The following MGAT4A variants were observed in gnomAD, a reference collection of about 807,000 sequenced individuals.
MGAT4A encodes alpha-1,3-mannosyl-glycoprotein 4-beta-N-acetylglucosaminyltransferase A.
In MGAT4A, 33 loss-of-function variants were observed where a neutral mutation model predicts 74.1. The ratio of observed to expected loss-of-function variants is 0.45; its 90% CI spans 0.34 to 0.60. MGAT4A has a LOEUF of 0.60. MGAT4A is among the 20% of genes least tolerant of loss of function. The probability of loss-of-function intolerance (pLI) is 0.02; values close to 1 mark genes in which losing one functional copy is unlikely to be tolerated. For missense variants in MGAT4A, 479 were observed against 628.3 expected, an observed-to-expected ratio of 0.76 and a Z score of 2.54; for synonymous variants, 198 against 210.4, an observed-to-expected ratio of 0.94 and a Z score of 0.51.
intron 5 of MGAT4A, among the ~76,000 whole-genome samples, chr2:98,661,851 C>A (rs1292510457): frequency 3.9e-5 from 6 of 152,166 alleles, no homozygotes. Context: ...TTTGCCCTTA[C>A]CAAAGCAGAC....
Position 98,636,535 on chromosome 2 carries a change from C to T in MGAT4A, c.1383G>A (p.Val461=), listed in dbSNP as rs747791512. Residue 461 remains valine (V), a synonymous_variant, in exon 13 of 16, where the codon GTG becomes GTA. Transcript: ENST00000393487. ...GTCATACCTTAAAAGGCAAAACTTC[C>T]ACAGTTGTGTTTAGCAGAATATCTC... is the stretch of plus-strand genomic sequence containing the variant. ...HPGDILLNTT[V]EVLPFKSEGL... 8 of 1,613,626 alleles carry T rather than the reference C, an allele frequency of 5.0e-6. No homozygotes were observed. Among genetic ancestry groups the T allele is most frequent in the Non-Finnish European group, 6.8e-6 (8 of 1,179,640 alleles).
At chr2:98,659,736 A>G (rs552447573) in intron 5 of MGAT4A, among the ~76,000 whole-genome samples, 2 of 152,256 alleles carry the variant, frequency 1.3e-5, no homozygotes, top group Admixed American at 1.3e-4. Context: ...GCCTTCTGCC[A>G]TGATTGTGAG....
chr2:98,712,176 C>T (rs1029831757), intron 2 of MGAT4A, among the ~76,000 whole-genome samples: 4 of 152,216 alleles, frequency 2.6e-5, no homozygotes, highest in African/African-American at 2.4e-5. Context: ...CCAACATCCA[C>T]CTTCCCTATT....
intron 8 of MGAT4A, among the ~76,000 whole-genome samples, chr2:98,654,089 G>C (rs1009511153): frequency 2.0e-5 from 3 of 151,978 alleles, no homozygotes; most frequent in African/African-American, 4.8e-5. Context: ...GTATGGAAAA[G>C]CATTTGACAA....
intron 7 of MGAT4A, 107 bp downstream of exon 7, chr2:98,656,245 T>A (rs1701659268): frequency 4.8e-6 from 4 of 837,822 alleles, no homozygotes; most frequent in Non-Finnish European, 7.9e-6. Flanking sequence ...CCTAGAATAT[T>A]TTACCAAATT....
chr2:98,680,064 A>C (rs954088666), intron 2 of MGAT4A, among the ~76,000 whole-genome samples: 1 of 106,222 alleles, frequency 9.4e-6, no homozygotes, highest in Admixed American at 9.9e-5. Flanking sequence ...TTTCTGAGAC[A>C]GAGTCTCACT....
In MGAT4A at chr2:98,621,284, G is replaced by A; in HGVS notation, c.*4282C>T. On this transcript the variant is annotated 3_prime_UTR_variant, in exon 16 of 16. Transcript: ENST00000393487. ...TCTTATCTGGAGACTGGAGATGAAT[G>A]CCTTTCCAAGCCTATGAATGAGCTT... The A allele has an allele frequency of 1.6e-6, 2 of 1,253,762 alleles. No individual in the cohort carries two copies. Among genetic ancestry groups the A allele is most frequent in the Non-Finnish European group, 2.1e-6 (2 of 937,678 alleles). 77.7% of individuals were successfully genotyped at this position (1,253,762 alleles called of 1,614,324 possible).
intron 2 of MGAT4A, among the ~76,000 whole-genome samples, chr2:98,701,929 T>C (rs1245445395): frequency 6.6e-6 from 1 of 152,116 alleles, no homozygotes; most frequent in African/African-American, 2.4e-5. Context: ...CCAATCAGAA[T>C]TACCTAGGGG....
rs1346127528 is a variant in MGAT4A, at chr2:98,675,044, T to G, written c.394A>C (p.Arg132=). 2 of 1,608,142 alleles carry G rather than the reference T, an allele frequency of 1.2e-6. No individual in the cohort carries two copies. Among genetic ancestry groups the G allele is most frequent in the African/African-American group, 2.7e-5 (2 of 74,566 alleles). ...AACAAAATAAACATACCTCCTGTTC[T>G]TCCGTTGCCAATCTGTACAGCAGGT... The part of the protein sequence containing the change: ...LQPAVQIGNG[R]TGVSIVMGIP... Residue 132 remains arginine (R), a synonymous_variant, in exon 4 of 16, where the codon AGA becomes CGA. Coordinates refer to ENST00000393487, the MANE Select transcript of MGAT4A (RefSeq NM_012214.3).
At chr2:98,666,646 T>C (rs955928232) in intron 4 of MGAT4A, among the ~76,000 whole-genome samples, 84 of 151,230 alleles carry the variant, frequency 5.6e-4, no homozygotes, top group Admixed American at 9.2e-4. Flanking sequence ...TGAGCTGTGA[T>C]CACACCACTG....
chr2:98,678,249 A>AAAAAAAATATATAT (rs67023324), intron 3 of MGAT4A, 55 bp downstream of exon 3: 48 of 263,838 alleles, frequency 1.8e-4, no homozygotes, highest in South Asian at 6.8e-4. Flanking sequence ...AAAAAAAAAA[A>AAAAAAAATATATAT]ATATATATAT....
intron 2 of MGAT4A, among the ~76,000 whole-genome samples, chr2:98,712,362 A>G (rs1429544037): frequency 1.3e-5 from 2 of 152,168 alleles, no homozygotes; most frequent in Non-Finnish European, 2.9e-5. Flanking sequence ...AACACTACTG[A>G]TTCTCATCAC....
chr2:98,704,999 A>G (rs1479412745), intron 2 of MGAT4A, among the ~76,000 whole-genome samples: 1 of 152,172 alleles, frequency 6.6e-6, no homozygotes, highest in East Asian at 1.9e-4. Flanking sequence ...ACAGGAGGAC[A>G]TCTGGAGTGC....
chr2:98,624,753 A>G lies in MGAT4A; in HGVS notation c.*813T>C. On this transcript the variant is annotated 3_prime_UTR_variant, in exon 16 of 16. Transcript: ENST00000393487. ...GTCTACAATAATCTGGGTTGAATGCATCACACTTACACATTGAAAATTTAT... is the reference window on the plus strand; with the variant it reads ...GTCTACAATAATCTGGGTTGAATGCGTCACACTTACACATTGAAAATTTAT... The G allele has an allele frequency of 1.0e-6, 1 of 984,168 alleles. No homozygotes were observed. The highest frequency in any genetic ancestry group is 1.2e-6 in the Non-Finnish European group (1 of 828,364). The allele number at this position is 984,168 out of a possible 1,614,324, so 61.0% of individuals were successfully genotyped here.
chr2:98,688,674 G>A (rs1276631995), intron 2 of MGAT4A, among the ~76,000 whole-genome samples: 3 of 152,158 alleles, frequency 2.0e-5, no homozygotes, highest in African/African-American at 7.2e-5. Flanking sequence ...ACAGCCACAA[G>A]GAAATGACTT....
chr2:98,631,938 C>T (rs1457809416), intron 14 of MGAT4A, among the ~76,000 whole-genome samples: 1 of 151,852 alleles, frequency 6.6e-6, no homozygotes, highest in Non-Finnish European at 1.5e-5. Flanking sequence ...GGCGAAACCC[C>T]GCCTCTACCA....
rs763423196 is a variant in MGAT4A, at chr2:98,678,374, C to T, written c.192G>A (p.Thr64=). ...RISQRSSELN[T]IVQQFKRVGA... ...CTACACGCTTGAACTGTTGCACAAT[C>T]GTATTTAATTCAGAAGAGCGCTGTG... Residue 64 remains threonine, a synonymous_variant, in exon 3 of 16, where the codon ACG becomes ACA. Coordinates refer to ENST00000393487, the MANE Select transcript of MGAT4A (RefSeq NM_012214.3). 35 of 1,584,228 alleles carry T rather than the reference C, an allele frequency of 2.2e-5. No individual in the cohort carries two copies. The South Asian group carries it at 2.9e-4, about 13-fold the overall frequency.
intron 10 of MGAT4A, 56 bp from the exon 11 acceptor site, chr2:98,640,284 C>T: frequency 7.1e-7 from 1 of 1,411,258 alleles, no homozygotes; most frequent in Non-Finnish European, 9.9e-7. Flanking sequence ...ATCTTGCCCT[C>T]ACCTGGAAAA....
At chr2:98,677,171 T>C (rs1198107756) in intron 3 of MGAT4A, among the ~76,000 whole-genome samples, 2 of 152,240 alleles carry the variant, frequency 1.3e-5, no homozygotes, top group Non-Finnish European at 2.9e-5. Context: ...GCCCTCATCT[T>C]ACTCTGACCA....
Sources: gnomAD v4.1 joint callset for allele counts (sites outside exome capture counted in the v4.1 genomes callset) on GRCh38, gnomAD v4.1.1 for gene constraint, MANE v1.5 for transcripts, NCBI Gene and HGNC (gene_info 2026-07-23, HGNC 2026-07-21) for gene names.